The following KCNH1 variants were observed in gnomAD, a reference collection of about 807,000 sequenced individuals.
KCNH1 encodes potassium voltage-gated channel subfamily H member 1.
A neutral mutation model predicts 69.2 loss-of-function variants in KCNH1; 27 were observed. That is an observed-to-expected ratio of 0.39 (90% CI 0.29 to 0.54). The LOEUF is 0.54. Ranked by LOEUF, KCNH1 falls within the 20% of genes least tolerant of loss-of-function variation. KCNH1 has a pLI of 0.68. For missense variants in KCNH1, 798 were observed against 1,261.6 expected (o/e 0.63, Z 5.57); for synonymous variants, 456 against 487.7 (o/e 0.93, Z 0.86).
At chr1:210,963,190 G>A (rs1688330144) in intron 6 of KCNH1, among the ~76,000 whole-genome samples, 1 of 151,558 alleles carries the variant, frequency 6.6e-6, no homozygotes, top group Non-Finnish European at 1.5e-5. Context: ...CCTCTACTGG[G>A]GCCTGACTCT....
rs138645753 is a variant in KCNH1, at chr1:211,103,524, G to A, written c.282C>T (p.Ser94=). 5.5e-5 allele frequency: 88 copies of A among 1,612,112 alleles called. No individual in the cohort carries two copies. In the African/African-American group the frequency reaches 9.0e-4, roughly 16 times the overall value. Residue 94 remains serine (S), a synonymous_variant, in exon 3 of 11, where the codon TCC becomes TCT. Transcript: ENST00000271751. ...TCTTCTTGTACATCAGAATTTCAAA[G>A]GAATTCATCTCATAGTTCTCAAATG... is the stretch of plus-strand genomic sequence containing the variant. ...RQTFENYEMN[S]FEILMYKKNR... is the part of the protein sequence containing the mutation.
At chr1:210,862,734 T>C (rs1686006168) in intron 7 of KCNH1, among the ~76,000 whole-genome samples, 1 of 152,198 alleles carries the variant, frequency 6.6e-6, no homozygotes, top group Admixed American at 6.5e-5. Flanking sequence ...CTGTGCTAGA[T>C]GCTGGACATA....
chr1:210,797,611 T>C lies in KCNH1; in HGVS notation c.1812A>G (p.Pro604=), dbSNP rs1003466506. ...AMEFQTVHCA[P]GDLIYHAGES... ...CTCCTGCATGGTAGATGAGGTCCCCTGGGGCACAGTGCACCGTCTGGAACT... is the reference window on the plus strand; with the variant it reads ...CTCCTGCATGGTAGATGAGGTCCCCCGGGGCACAGTGCACCGTCTGGAACT... The change falls in exon 9 of 11, where the codon CCA becomes CCG. Residue 604 remains proline, a synonymous_variant. Transcript: ENST00000271751. 1 of 1,614,194 alleles carries C rather than the reference T, an allele frequency of 6.2e-7. No homozygotes were observed. The highest frequency in any genetic ancestry group is 8.5e-7 in the Non-Finnish European group (1 of 1,180,026).
At chr1:211,126,458 C>T (rs533372897) in intron 1 of KCNH1, among the ~76,000 whole-genome samples, 3 of 150,162 alleles carry the variant, frequency 2.0e-5, no homozygotes, top group East Asian at 2.0e-4. Flanking sequence ...TGCAGTGAGC[C>T]GAGATTGCGC....
chr1:210,997,816 G>A (rs192730938), intron 6 of KCNH1, among the ~76,000 whole-genome samples: 4,068 of 152,264 alleles, frequency 0.027, 99 homozygotes, highest in South Asian at 0.061. Flanking sequence ...CTGATCTCTC[G>A]GCAGAAATTC....
intron 6 of KCNH1, among the ~76,000 whole-genome samples, chr1:211,017,164 A>T (rs1488420633): frequency 2.0e-5 from 3 of 152,074 alleles, no homozygotes; most frequent in Admixed American, 2.0e-4. Flanking sequence ...CCAGCTCTAC[A>T]TTGGCAGCAT....
rs1045541832 is a variant in KCNH1, at chr1:210,738,108, C to A, written c.2112+37240G>T. ...TGCTACCACTCTCCTCTCATTCACT[C>A]CCCCCGCAACCATATTGGTCTCTTT... On this transcript the variant is annotated intron_variant, in intron 10 of 10. Coordinates refer to ENST00000271751, the MANE Select transcript of KCNH1 (RefSeq NM_172362.3). 1.2e-4 allele frequency among the ~76,000 whole-genome samples: 19 copies of A among 152,110 alleles called. 1 individual carries two copies. Among genetic ancestry groups the A allele is most frequent in the Non-Finnish European group, 1.0e-4 (7 of 68,026 alleles).
At chr1:210,907,431 GTGAGATTCTGCA>G (rs1687124283) in intron 7 of KCNH1, among the ~76,000 whole-genome samples, 2 of 152,040 alleles carry the variant, frequency 1.3e-5, no homozygotes. Context: ...TTGGTATCGG[GTGAGATTCTGCA>G]TGAGGAGAAG....
At chr1:210,852,101 A>G (rs1026546718) in intron 7 of KCNH1, among the ~76,000 whole-genome samples, 3 of 152,270 alleles carry the variant, frequency 2.0e-5, no homozygotes, top group Admixed American at 6.5e-5. Context: ...GAAAGAAAGC[A>G]TGATGGAGAA....
intron 1 of KCNH1, among the ~76,000 whole-genome samples, chr1:211,116,115 A>C (rs1408832561): frequency 1.3e-5 from 2 of 152,148 alleles, no homozygotes; most frequent in Non-Finnish European, 2.9e-5. Flanking sequence ...CAGCCTGGGC[A>C]ACAGAGCAAG....
chr1:211,118,487 A>T (rs890456913), intron 1 of KCNH1, among the ~76,000 whole-genome samples: 2 of 152,186 alleles, frequency 1.3e-5, no homozygotes, highest in African/African-American at 4.8e-5. Context: ...CCGCCTTCTG[A>T]TGCTTTTTTA....
intron 1 of KCNH1, among the ~76,000 whole-genome samples, chr1:211,119,593 A>AT (rs1169770850): frequency 6.6e-6 from 1 of 152,134 alleles, no homozygotes; most frequent in African/African-American, 2.4e-5. Context: ...AATGGAGAGG[A>AT]TGGAATGAGA....
intron 5 of KCNH1, among the ~76,000 whole-genome samples, chr1:211,042,084 C>G (rs941455101): frequency 1.3e-5 from 2 of 152,140 alleles, no homozygotes; most frequent in Non-Finnish European, 2.9e-5. Context: ...AAGACACCAA[C>G]TCTTGCTCTG....
intron 7 of KCNH1, among the ~76,000 whole-genome samples, chr1:210,847,702 C>T (rs1685590710): frequency 1.3e-5 from 2 of 150,506 alleles, no homozygotes. Context: ...GCACGTTGTG[C>T]ACATGTACCC....
intron 6 of KCNH1, among the ~76,000 whole-genome samples, chr1:210,933,640 C>T (rs1261678317): frequency 6.6e-6 from 1 of 151,694 alleles, no homozygotes; most frequent in Non-Finnish European, 1.5e-5. Flanking sequence ...AAACCATTAG[C>T]TAAACCAACT....
chr1:210,693,865 T>C (rs891795290), intron 10 of KCNH1, among the ~76,000 whole-genome samples: 2 of 152,140 alleles, frequency 1.3e-5, no homozygotes, highest in Non-Finnish European at 2.9e-5. Context: ...AACTCACTCC[T>C]ACAGGGCTTT....
chr1:210,807,244 C>G lies in KCNH1; in HGVS notation c.1463-3078G>C, dbSNP rs567017917. Among the ~76,000 whole-genome samples the G allele has an allele frequency of 1.8e-4, 28 of 152,166 alleles. 1 individual carries two copies. In the South Asian group the frequency reaches 5.4e-3, roughly 29 times the overall value. On this transcript the variant is annotated intron_variant, in intron 7 of 10. Coordinates refer to ENST00000271751, the MANE Select transcript of KCNH1 (RefSeq NM_172362.3). ...CCACAGAGATCTCCTTGTGCTTCCC[C>G]TTTATGGTCACGCTTCCCTCAGCAA...
chr1:210,707,751 A>G (rs1000421600), intron 10 of KCNH1, among the ~76,000 whole-genome samples: 2 of 152,148 alleles, frequency 1.3e-5, no homozygotes, highest in African/African-American at 4.8e-5. Flanking sequence ...AAACTCCTAC[A>G]GCCAGGCCAT....
chr1:211,086,663 C>G (rs2102470046), intron 4 of KCNH1, among the ~76,000 whole-genome samples: 1 of 152,254 alleles, frequency 6.6e-6, no homozygotes, highest in East Asian at 1.9e-4. Context: ...TGTCTTGACT[C>G]CACAATGGCT....
Sources: allele counts gnomAD v4.1 joint callset (sites outside exome capture counted in the v4.1 genomes callset), GRCh38; gene constraint gnomAD v4.1.1; transcripts MANE v1.5; gene names NCBI Gene and HGNC (gene_info 2026-07-23, HGNC 2026-07-21).